MRPS27: variants seen among roughly 807,000 people sequenced by gnomAD.
MRPS27 encodes small ribosomal subunit protein mS27.
MRPS27 carries 43 observed loss-of-function variants against 48.9 expected under a neutral mutation model. The observed-to-expected ratio is 0.88, with a 90% CI of 0.69 to 1.13. The LOEUF is 1.13. Ranked by LOEUF, MRPS27 falls within the 50% of genes most tolerant of loss-of-function variation. MRPS27 has a pLI of 0.00. For missense variants in MRPS27, 467 were observed against 476.3 expected, an observed-to-expected ratio of 0.98 and a Z score of 0.18; for synonymous variants, 188 against 171.9, an observed-to-expected ratio of 1.09 and a Z score of -0.73.
At chr5:72,241,004 T>C (rs1338435257) in intron 4 of MRPS27, among the ~76,000 whole-genome samples, 1 of 152,210 alleles carries the variant, frequency 6.6e-6, no homozygotes, top group Non-Finnish European at 1.5e-5. Flanking sequence ...CTAACAATCT[T>C]AGACCCAATT....
chr5:72,264,739 A>G (rs1314688800), intron 4 of MRPS27, among the ~76,000 whole-genome samples: 1 of 152,200 alleles, frequency 6.6e-6, no homozygotes, highest in African/African-American at 2.4e-5. Flanking sequence ...TAAGAGGAAG[A>G]CATGGAACAG....
At chr5:72,278,442 CAAAA>C (rs11296227) in intron 4 of MRPS27, among the ~76,000 whole-genome samples, 2 of 94,628 alleles carry the variant, frequency 2.1e-5, no homozygotes, top group Admixed American at 1.2e-4. Context: ...CTCTCCATCT[CAAAA>C]AAAAAAAAAA....
rs906814128 is a variant in MRPS27 at position 72,280,236 on chromosome 5, T to C, written c.281+15295A>G. ...CTTTCACTTGAATTTCAGGGTCATC[T>C]TCTCAGGTTCCCCAAAAATTTCTGC... On this transcript the variant is annotated intron_variant, in intron 4 of 10. Transcript: ENST00000261413. 2.6e-5 allele frequency among the ~76,000 whole-genome samples: 4 copies of C among 152,322 alleles called. No individual in the cohort carries two copies. In the East Asian group the frequency reaches 7.7e-4, roughly 29 times the overall value.
intron 4 of MRPS27, among the ~76,000 whole-genome samples, chr5:72,276,154 A>C (rs746301221): frequency 1.8e-4 from 28 of 152,200 alleles, no homozygotes; most frequent in Non-Finnish European, 2.5e-4. Flanking sequence ...ACGCTACCCA[A>C]CTTCAAACCA....
At chr5:72,237,822 G>A (rs1748240805) in intron 5 of MRPS27, among the ~76,000 whole-genome samples, 192 bp downstream of exon 5, 1 of 151,928 alleles carries the variant, frequency 6.6e-6, no homozygotes, top group Non-Finnish European at 1.5e-5. Context: ...TGGAAAAGTA[G>A]CAGCTACAGG....
chr5:72,306,109 G>A lies in MRPS27; in HGVS notation c.151+7972C>T, dbSNP rs78588561. Among the ~76,000 whole-genome samples, 575 of 152,268 alleles carry A rather than the reference G, an allele frequency of 3.8e-3. 1 individual carries two copies. The highest frequency in any genetic ancestry group is 0.013 in the African/African-American group (551 of 41,556). On this transcript the variant is annotated intron_variant, in intron 2 of 10. Coordinates refer to ENST00000261413, the MANE Select transcript of MRPS27 (RefSeq NM_015084.3). Reference sequence around the variant, plus strand: ...CTATGAGTTCTTAATGACATTTTAAGAAGTCCTCATTCATCATTTTTGCAA... The same window carrying A: ...CTATGAGTTCTTAATGACATTTTAAAAAGTCCTCATTCATCATTTTTGCAA...
intron 7 of MRPS27, among the ~76,000 whole-genome samples, chr5:72,229,925 GC>G (rs1010089258): frequency 6.6e-6 from 1 of 152,010 alleles, no homozygotes; most frequent in African/African-American, 2.4e-5. Context: ...TTGCCCTATT[GC>G]CCAGGCTGGA....
At chr5:72,242,427 T>A (rs1220995330) in intron 4 of MRPS27, among the ~76,000 whole-genome samples, 12 of 62,546 alleles carry the variant, frequency 1.9e-4, no homozygotes, top group African/African-American at 4.5e-4. Context: ...AGATCAAGAG[T>A]GAAAAAAAAA....
intron 2 of MRPS27, among the ~76,000 whole-genome samples, chr5:72,309,092 A>G (rs1750365265): frequency 6.6e-6 from 1 of 152,262 alleles, no homozygotes; most frequent in Non-Finnish European, 1.5e-5. Context: ...ATAGGGCAGG[A>G]AACATCGATT....
intron 4 of MRPS27, among the ~76,000 whole-genome samples, chr5:72,279,872 T>A (rs1749488286): frequency 6.6e-6 from 1 of 152,234 alleles, no homozygotes; most frequent in African/African-American, 2.4e-5. Flanking sequence ...TTTCGGTTTT[T>A]AATCTACCTA....
At chr5:72,289,721 A>G (rs1365629342) in intron 4 of MRPS27, among the ~76,000 whole-genome samples, 1 of 152,210 alleles carries the variant, frequency 6.6e-6, no homozygotes, top group East Asian at 1.9e-4. Context: ...GCCTAAAAAA[A>G]AATTTACATC....
intron 4 of MRPS27, among the ~76,000 whole-genome samples, chr5:72,288,565 C>A (rs1749735173): frequency 6.6e-6 from 1 of 152,210 alleles, no homozygotes; most frequent in East Asian, 1.9e-4. Context: ...TCTGGCAATG[C>A]ATGCACTATG....
At chr5:72,272,079 T>C (rs994453687) in intron 4 of MRPS27, among the ~76,000 whole-genome samples, 5 of 151,618 alleles carry the variant, frequency 3.3e-5, no homozygotes, top group South Asian at 2.1e-4. Flanking sequence ...ACACTGGGAT[T>C]CCCCCCCCAT....
chr5:72,258,687 G>A (rs1043114619), intron 4 of MRPS27, among the ~76,000 whole-genome samples: 8 of 152,118 alleles, frequency 5.3e-5, no homozygotes, highest in Non-Finnish European at 1.2e-4. Context: ...TGCCATCTTG[G>A]AAACAGAGAA....
chr5:72,224,183 GGA>G (rs1305772255), intron 9 of MRPS27, among the ~76,000 whole-genome samples: 3 of 150,912 alleles, frequency 2.0e-5, no homozygotes, highest in African/African-American at 7.3e-5. Flanking sequence ...GGCAACACAG[GGA>G]GACTCCATCA....
At position 72,228,247 on chromosome 5, in the gene MRPS27, T is replaced by C. The variant is rs192196222; in HGVS notation, c.694+19A>G. ...TTCTAACCATGAAGAACAGTATTTGTAAGGATCATTTAGCTTACCAAGAAG... is the reference window on the plus strand; with the variant it reads ...TTCTAACCATGAAGAACAGTATTTGCAAGGATCATTTAGCTTACCAAGAAG... On this transcript the variant is annotated intron_variant, in intron 8 of 10. Transcript: ENST00000261413. The C allele has an allele frequency of 2.6e-6, 4 of 1,544,724 alleles. No individual in the cohort carries two copies. The highest frequency in any genetic ancestry group is 3.6e-6 in the Non-Finnish European group (4 of 1,116,964).
intron 2 of MRPS27, among the ~76,000 whole-genome samples, chr5:72,308,304 G>A (rs1030179842): frequency 2.6e-5 from 4 of 152,244 alleles, no homozygotes; most frequent in Non-Finnish European, 5.9e-5. Flanking sequence ...ACGGCTCAGG[G>A]GAGACGGCGC....
At chr5:72,248,368 T>C (rs1164408000) in intron 4 of MRPS27, among the ~76,000 whole-genome samples, 2 of 152,102 alleles carry the variant, frequency 1.3e-5, no homozygotes, top group Admixed American at 1.3e-4. Flanking sequence ...ATAAACCAAA[T>C]ACAAAGTTCC....
Sources: allele counts gnomAD v4.1 joint callset (sites outside exome capture counted in the v4.1 genomes callset), GRCh38; gene constraint gnomAD v4.1.1; transcripts MANE v1.5; gene names NCBI Gene and HGNC (gene_info 2026-07-23, HGNC 2026-07-21).